Variants in PPP2R2B observed in about 807,000 individuals in gnomAD.
The protein encoded by PPP2R2B is serine/threonine-protein phosphatase 2A 55 kDa regulatory subunit B beta isoform.
PPP2R2B carries 5 observed loss-of-function variants against 46.0 expected under a neutral mutation model. The observed-to-expected ratio is 0.11, with a 90% CI of 0.06 to 0.23. The LOEUF (loss-of-function observed/expected upper bound fraction) is 0.23. Ranked by LOEUF, PPP2R2B falls within the 10% of genes least tolerant of loss-of-function variation. The pLI, the probability that PPP2R2B is intolerant of heterozygous loss-of-function variation, is 1.00. For missense variants in PPP2R2B, 367 were observed against 575.0 expected (o/e 0.64, Z 3.70); for synonymous variants, 215 against 206.7 (o/e 1.04, Z -0.34).
rs58634387 is a variant in PPP2R2B, at chr5:146,644,234, CAAAAAAA to C, written c.626-5826_626-5820del. Among the ~76,000 whole-genome samples the C allele has an allele frequency of 1.0e-3, 63 of 60,666 alleles. 1 individual carries two copies. The highest frequency in any genetic ancestry group is 6.3e-4 in the Admixed American group (3 of 4,730). The allele number at this position is 60,666 out of a possible 152,430, so 39.8% of individuals were successfully genotyped here. ...TGAACTTCTTCCCTTAGGAAAGTTT[CAAAAAAA>C]AAAAAAAAAAAAAAAAAAAAAAGAA... On this transcript the variant is annotated intron_variant, in intron 6 of 9. Coordinates refer to ENST00000394411, the MANE Select transcript of PPP2R2B (RefSeq NM_181675.4).
intron 2 of PPP2R2B, among the ~76,000 whole-genome samples, chr5:146,817,481 A>G (rs1236768288): frequency 6.6e-6 from 1 of 152,192 alleles, no homozygotes; most frequent in African/African-American, 2.4e-5. Context: ...ATATGTGTGC[A>G]TTGTGAAATG....
intron 8 of PPP2R2B, among the ~76,000 whole-genome samples, chr5:146,596,197 C>T (rs930157945): frequency 3.3e-5 from 5 of 152,134 alleles, no homozygotes; most frequent in Non-Finnish European, 7.3e-5. Context: ...TTGGAACACA[C>T]GTTGCAGTCT....
intron 6 of PPP2R2B, among the ~76,000 whole-genome samples, chr5:146,641,136 T>C (rs1165088630): frequency 6.6e-6 from 1 of 152,140 alleles, no homozygotes; most frequent in African/African-American, 2.4e-5. Flanking sequence ...ACACTTTCCA[T>C]GTGTTGTCCC....
intron 2 of PPP2R2B, among the ~76,000 whole-genome samples, chr5:146,731,076 C>T (rs549588401): frequency 8.5e-5 from 13 of 152,328 alleles, no homozygotes; most frequent in African/African-American, 2.9e-4. Flanking sequence ...ATACACAACA[C>T]ACCAGCTGGC....
chr5:146,694,858 ATACT>A (rs979567318), intron 4 of PPP2R2B, among the ~76,000 whole-genome samples: 18 of 152,156 alleles, frequency 1.2e-4, no homozygotes, highest in South Asian at 2.1e-4. Flanking sequence ...ATAATATGGC[ATACT>A]TAGTTTACAG....
intron 5 of PPP2R2B, among the ~76,000 whole-genome samples, chr5:146,651,748 C>A (rs1775975022): frequency 6.6e-6 from 1 of 152,144 alleles, no homozygotes; most frequent in African/African-American, 2.4e-5. Context: ...TGCAACTGAG[C>A]CCCGACTGAT....
intron 2 of PPP2R2B, among the ~76,000 whole-genome samples, chr5:146,772,330 C>T (rs189157565): frequency 7.7e-5 from 11 of 143,570 alleles, no homozygotes; most frequent in East Asian, 4.1e-4. Flanking sequence ...CTTATGAGCA[C>T]GTAGAATGTA....
intron 2 of PPP2R2B, among the ~76,000 whole-genome samples, chr5:146,872,105 C>G (rs1761648213): frequency 6.6e-6 from 1 of 152,178 alleles, no homozygotes; most frequent in African/African-American, 2.4e-5. Flanking sequence ...TGGGCATTAC[C>G]AATATTTTGA....
At chr5:147,064,375 C>T (rs1211010673) in intron 2 of PPP2R2B, among the ~76,000 whole-genome samples, 1 of 152,178 alleles carries the variant, frequency 6.6e-6, no homozygotes, top group Non-Finnish European at 1.5e-5. Context: ...CCAATAGAGG[C>T]CAGTAGCACA....
intron 2 of PPP2R2B, among the ~76,000 whole-genome samples, chr5:146,787,412 T>C (rs574133499): frequency 6.6e-6 from 1 of 152,346 alleles, no homozygotes; most frequent in African/African-American, 2.4e-5. Flanking sequence ...TGTTGGCAGC[T>C]CATTTAAAAT....
intron 1 of PPP2R2B, among the ~76,000 whole-genome samples, chr5:147,035,884 T>C (rs151306651): frequency 2.6e-5 from 4 of 152,336 alleles, no homozygotes; most frequent in Admixed American, 2.0e-4. Context: ...AATATAATCA[T>C]GCTAAATCAC....
intron 9 of PPP2R2B, among the ~76,000 whole-genome samples, chr5:146,591,333 T>A (rs986437240): frequency 3.3e-5 from 5 of 152,180 alleles, no homozygotes; most frequent in Non-Finnish European, 7.3e-5. Flanking sequence ...CCAGGTAAAT[T>A]AAGCAAAGGT....
chr5:146,865,827 G>A (rs1265803877), intron 2 of PPP2R2B, among the ~76,000 whole-genome samples: 1 of 152,140 alleles, frequency 6.6e-6, no homozygotes, highest in African/African-American at 2.4e-5. Flanking sequence ...TGCCTCCAAT[G>A]AGGAAAGCCA....
At chr5:146,782,092 C>T (rs545892807) in intron 2 of PPP2R2B, among the ~76,000 whole-genome samples, 1 of 152,246 alleles carries the variant, frequency 6.6e-6, no homozygotes, top group South Asian at 2.1e-4. Flanking sequence ...ATACTGGCTC[C>T]CCCTTTGCCC....
chr5:146,760,490 G>A (rs565430683), intron 2 of PPP2R2B, among the ~76,000 whole-genome samples: 5 of 152,234 alleles, frequency 3.3e-5, no homozygotes, highest in African/African-American at 1.2e-4. Context: ...ACTCTTGCTG[G>A]AAAAGACAGG....
intron 2 of PPP2R2B, among the ~76,000 whole-genome samples, chr5:146,705,452 T>A (rs1779778744): frequency 6.6e-6 from 1 of 151,888 alleles, no homozygotes; most frequent in South Asian, 2.1e-4. Context: ...TCTGGGTGGG[T>A]GGTGGGGGAG....
Position 146,875,607 on chromosome 5 carries a change from A to C in PPP2R2B, c.70+2395T>G, listed in dbSNP as rs149407209. ...GAGCAAACAGAAGAAAAATTCAGAAATACATGTGAAGGAGATATTTTGGAG... is the reference window on the plus strand; with the variant it reads ...GAGCAAACAGAAGAAAAATTCAGAACTACATGTGAAGGAGATATTTTGGAG... On this transcript the variant is annotated intron_variant, in intron 2 of 9. Coordinates refer to ENST00000394411, the MANE Select transcript of PPP2R2B (RefSeq NM_181675.4). Among the ~76,000 whole-genome samples the C allele has an allele frequency of 2.0e-5, 3 of 152,332 alleles. No individual in the cohort carries two copies. In the East Asian group the frequency reaches 5.8e-4, roughly 29 times the overall value.
At chr5:146,966,527 C>T (rs540209425) in intron 1 of PPP2R2B, among the ~76,000 whole-genome samples, 33 of 152,184 alleles carry the variant, frequency 2.2e-4, no homozygotes, top group Non-Finnish European at 3.4e-4. Flanking sequence ...AGGCCCCTCC[C>T]TCAACACTCT....
chr5:146,717,507 T>C (rs538454954), intron 2 of PPP2R2B, among the ~76,000 whole-genome samples: 5 of 152,330 alleles, frequency 3.3e-5, no homozygotes, highest in Non-Finnish European at 5.9e-5. Flanking sequence ...AAAAATGATA[T>C]GTCAGTATTT....
Sources: gnomAD v4.1 joint callset for allele counts (sites outside exome capture counted in the v4.1 genomes callset) on GRCh38, gnomAD v4.1.1 for gene constraint, MANE v1.5 for transcripts, NCBI Gene and HGNC (gene_info 2026-07-23, HGNC 2026-07-21) for gene names.